Variants in KLF8 observed in about 807,000 individuals in gnomAD.
The protein encoded by KLF8 is KLF transcription factor 8.
In KLF8, 10 loss-of-function variants were observed where a neutral mutation model predicts 18.2. That is an observed-to-expected ratio of 0.55 (90% confidence interval 0.34 to 0.93). The LOEUF (loss-of-function observed/expected upper bound fraction) is 0.93. Among genes scored for constraint, KLF8 ranks in the 40% least tolerant of loss-of-function variants. The pLI is 0.02. For missense variants in KLF8, 264 were observed against 277.9 expected, an observed-to-expected ratio of 0.95 and a Z score of 0.36; for synonymous variants, 109 against 97.3, an observed-to-expected ratio of 1.12 and a Z score of -0.71.
chrX:56,085,499 G>A, the KLF8 span, among the ~76,000 whole-genome samples: 1 of 107,790 alleles, frequency 9.3e-6, no homozygotes, highest in Non-Finnish European at 1.9e-5. Context: ...TCCACCTTTT[G>A]TTCTATTCAG....
chrX:56,142,029 C>G, the KLF8 span, among the ~76,000 whole-genome samples: 4 of 112,033 alleles, frequency 3.6e-5, no homozygotes, highest in South Asian at 1.5e-3. Context: ...TCTAGAGTAT[C>G]CCATCTTTTC....
the KLF8 span, among the ~76,000 whole-genome samples, chrX:56,022,105 G>A: frequency 9.0e-6 from 1 of 111,378 alleles, no homozygotes; most frequent in African/African-American, 3.3e-5. Flanking sequence ...TGTGTCATCA[G>A]TGAAAATGGT....
chrX:56,124,512 T>C, the KLF8 span, among the ~76,000 whole-genome samples: 1 of 112,211 alleles, frequency 8.9e-6, no homozygotes, highest in African/African-American at 3.2e-5. Flanking sequence ...TGATGCCATA[T>C]AAAACATGAT....
the KLF8 span, among the ~76,000 whole-genome samples, chrX:56,091,582 C>T: frequency 1.8e-5 from 2 of 109,711 alleles, no homozygotes; most frequent in East Asian, 2.9e-4. Flanking sequence ...CTGCAACCTC[C>T]GCCTCTCAGG....
chrX:56,121,185 CAA>C, the KLF8 span, among the ~76,000 whole-genome samples: 9 of 40,836 alleles, frequency 2.2e-4, no homozygotes, highest in South Asian at 1.3e-3. Context: ...GACTCCGTCT[CAA>C]AAAAAAAAAA....
Position 56,250,324 on chromosome X carries a change from G to C in KLF8, c.81+20G>C. On this transcript the variant is annotated intron_variant, in intron 2 of 5. Coordinates refer to ENST00000468660, the MANE Select transcript of KLF8 (RefSeq NM_007250.5). ...AAGCAGGTCAGTTATCAGGAAAATA[G>C]GGTGCTAATATTGGGCCATAATAGT... 1.8e-6 allele frequency: 2 copies of C among 1,125,790 alleles called. No individual in the cohort carries two copies. The highest frequency in any genetic ancestry group is 2.4e-6 in the Non-Finnish European group (2 of 818,908). 92.8% of individuals were successfully genotyped at this position (1,125,790 alleles called of 1,213,427 possible). A position where few individuals can be genotyped will look rare whatever the true frequency, so the allele number is the denominator to read the frequency against.
chrX:56,183,889 C>T, the KLF8 span, among the ~76,000 whole-genome samples: 1 of 111,380 alleles, frequency 9.0e-6, no homozygotes, highest in Non-Finnish European at 1.9e-5. Flanking sequence ...CCGGAGGTGG[C>T]AGCCAAGATG....
At chrX:55,972,851 A>G in the KLF8 span, among the ~76,000 whole-genome samples, 1 of 112,232 alleles carries the variant, frequency 8.9e-6, no homozygotes, top group Non-Finnish European at 1.9e-5. Context: ...TTTTCACAGA[A>G]TTTGGAAAAA....
chrX:56,159,367 G>C, the KLF8 span, among the ~76,000 whole-genome samples: 1 of 111,521 alleles, frequency 9.0e-6, no homozygotes, highest in Non-Finnish European at 1.9e-5. Flanking sequence ...TTGTGTCTCT[G>C]CCAGGCTTTT....
the KLF8 span, among the ~76,000 whole-genome samples, chrX:56,062,808 CAT>C: frequency 9.0e-6 from 1 of 111,325 alleles, no homozygotes; most frequent in East Asian, 2.8e-4. Flanking sequence ...AGCAATGAAA[CAT>C]AGATTTGGTC....
At chrX:56,114,094 G>A in the KLF8 span, among the ~76,000 whole-genome samples, 2 of 112,112 alleles carry the variant, frequency 1.8e-5, no homozygotes, top group Non-Finnish European at 3.8e-5. Flanking sequence ...GGCCCCGCCC[G>A]GTTAGGAGGG....
chrX:56,010,194 G>T, the KLF8 span, among the ~76,000 whole-genome samples: 1 of 111,345 alleles, frequency 9.0e-6, no homozygotes, highest in Non-Finnish European at 1.9e-5. Flanking sequence ...CGAAAAAAAT[G>T]TTAAGGGCAG....
In KLF8 at chrX:56,286,968, T is replaced by C. The variant is rs902246269; in HGVS notation, c.*2474T>C. ...ATTTCACAGTAGAGCCCGAGCTTAC[T>C]CATTTTTTTCAAAATTTGGATCCTG... On this transcript the variant is annotated 3_prime_UTR_variant, in exon 6 of 6. Coordinates refer to ENST00000468660, the MANE Select transcript of KLF8 (RefSeq NM_007250.5). 16 of 111,977 alleles carry C rather than the reference T, an allele frequency of 1.4e-4. No individual in the cohort carries two copies. Among genetic ancestry groups the C allele is most frequent in the African/African-American group, 5.2e-4 (16 of 30,804 alleles). 9.2% of individuals were successfully genotyped at this position (111,977 alleles called of 1,213,427 possible).
the KLF8 span, among the ~76,000 whole-genome samples, chrX:56,024,910 G>A: frequency 1.8e-5 from 2 of 112,085 alleles, no homozygotes; most frequent in African/African-American, 6.5e-5. Context: ...AAAACAATAT[G>A]AGGGGTCTCT....
At chrX:56,269,096 C>A in intron 3 of KLF8, 1 of 916,933 alleles carries the variant, frequency 1.1e-6, no homozygotes, top group South Asian at 3.4e-5. Context: ...ATACCCAGAC[C>A]ACATCCTAGA....
chrX:56,252,694 T>C (rs2066731423), intron 2 of KLF8, among the ~76,000 whole-genome samples: 1 of 112,433 alleles, frequency 8.9e-6, no homozygotes, highest in African/African-American at 3.2e-5. Flanking sequence ...GAAGTGCAGA[T>C]ATCTCTTTGA....
chrX:55,959,798 G>C, the KLF8 span, among the ~76,000 whole-genome samples: 3 of 111,310 alleles, frequency 2.7e-5, no homozygotes, highest in Non-Finnish European at 3.8e-5. Flanking sequence ...GACAGAGCAA[G>C]CAACTTGGAA....
At chrX:55,928,942 A>T in the KLF8 span, among the ~76,000 whole-genome samples, 1 of 112,175 alleles carries the variant, frequency 8.9e-6, no homozygotes, top group South Asian at 3.7e-4. Context: ...TTGAGGAATC[A>T]CCACACTGTC....
At chrX:55,932,638 G>A in the KLF8 span, among the ~76,000 whole-genome samples, 2 of 111,567 alleles carry the variant, frequency 1.8e-5, no homozygotes, top group Non-Finnish European at 3.8e-5. Flanking sequence ...GCTCAGTTTG[G>A]CTGGATATGA....
Sources: gnomAD v4.1 joint callset for allele counts (sites outside exome capture counted in the v4.1 genomes callset) on GRCh38, gnomAD v4.1.1 for gene constraint, MANE v1.5 for transcripts, NCBI Gene and HGNC (gene_info 2026-07-23, HGNC 2026-07-21) for gene names.